The following COL19A1 variants were observed in gnomAD, a reference collection of about 807,000 sequenced individuals.
The protein encoded by COL19A1 is collagen type XIX alpha 1 chain, also known as collagen alpha-1(XIX) chain.
Under a neutral mutation model 190.2 loss-of-function variants are expected in COL19A1, and 159 were observed. That is an observed-to-expected ratio of 0.84 (90% CI 0.73 to 0.95). The LOEUF (loss-of-function observed/expected upper bound fraction) is 0.95, where lower values mean the gene tolerates loss of function less well. Ranked by LOEUF, COL19A1 falls within the 40% of genes least tolerant of loss-of-function variation. The pLI, the probability that COL19A1 is intolerant of heterozygous loss-of-function variation, is 0.00. For synonymous variants in COL19A1, 509 were observed against 458.9 expected (o/e 1.11, Z -1.39); for missense variants, 1,418 against 1,431.9 (o/e 0.99, Z 0.16).
intron 15 of COL19A1, among the ~76,000 whole-genome samples, chr6:70,077,847 T>A (rs908554776): frequency 6.6e-6 from 1 of 152,316 alleles, no homozygotes. Flanking sequence ...TATTCATTAA[T>A]AATGCCACTT....
At chr6:69,954,494 G>T (rs1475964961) in intron 9 of COL19A1, among the ~76,000 whole-genome samples, 2 of 152,070 alleles carry the variant, frequency 1.3e-5, no homozygotes, top group African/African-American at 2.4e-5. Context: ...CCCAATGCCA[G>T]CAACACTTCA....
At chr6:69,900,790 A>T (rs1770138511) in intron 4 of COL19A1, among the ~76,000 whole-genome samples, 1 of 152,186 alleles carries the variant, frequency 6.6e-6, no homozygotes, top group South Asian at 2.1e-4. Context: ...TATTGTATAG[A>T]GTACATAGTA....
At chr6:70,172,102 G>C (rs926811424) in intron 41 of COL19A1, 85 bp downstream of exon 41, 1 of 1,238,236 alleles carries the variant, frequency 8.1e-7, no homozygotes, top group African/African-American at 1.5e-5. Flanking sequence ...AACTGTTTTA[G>C]GTTAGGGATA....
At chr6:69,921,330 A>G (rs1412953563) in intron 4 of COL19A1, among the ~76,000 whole-genome samples, 1 of 131,144 alleles carries the variant, frequency 7.6e-6, no homozygotes, top group African/African-American at 2.8e-5. Context: ...ATCATATATC[A>G]TATATCTATA....
At chr6:69,975,038 C>T (rs977254742) in intron 11 of COL19A1, among the ~76,000 whole-genome samples, 2 of 152,100 alleles carry the variant, frequency 1.3e-5, no homozygotes, top group African/African-American at 4.8e-5. Flanking sequence ...TGGTGCTGAG[C>T]TCCTGACCTC....
In COL19A1 at chr6:69,995,341, A is replaced by T. The variant is rs555714730; in HGVS notation, c.1027-28286A>T. 7.9e-5 allele frequency among the ~76,000 whole-genome samples: 12 copies of T among 152,328 alleles called. No homozygotes were observed. In the South Asian group the frequency reaches 1.7e-3, roughly 21 times the overall value. Reference sequence around the variant, plus strand: ...GAGAGTATATTAGCCAATGTGAGTGATCACTATCTAATAGTATATTTTCCA... The same window carrying T: ...GAGAGTATATTAGCCAATGTGAGTGTTCACTATCTAATAGTATATTTTCCA... On this transcript the variant is annotated intron_variant, in intron 11 of 50. Transcript: ENST00000620364.
chr6:69,900,305 A>C lies in COL19A1; in HGVS notation c.233A>C (p.Lys78Thr). 1 of 1,592,364 alleles carries C rather than the reference A, an allele frequency of 6.3e-7. No individual in the cohort carries two copies. Among genetic ancestry groups the C allele is most frequent in the Non-Finnish European group, 8.6e-7 (1 of 1,168,828 alleles). ...TGTGAAAGTGATAAAACCTGTTTCA[A>C]ATTGGGAAGTGCACTTCTTATTAGA... Reference protein sequence around the residue: ...AFCESDKTCFKLGSALLIRDT... With the variant: ...AFCESDKTCFTLGSALLIRDT... The change falls in exon 4 of 51, where the codon AAA (lysine) becomes ACA (threonine). Residue 78 changes from lysine to threonine, a missense_variant. Physicochemically the swap from Lys to Thr is moderately conservative, Grantham distance 78. Transcript: ENST00000620364.
At chr6:69,954,773 C>T (rs1774316140) in intron 9 of COL19A1, among the ~76,000 whole-genome samples, 2 of 151,968 alleles carry the variant, frequency 1.3e-5, no homozygotes, top group Non-Finnish European at 2.9e-5. Flanking sequence ...AGGGTGTGTT[C>T]CTTCTCCATA....
chr6:69,875,564 T>A (rs1768083582), intron 1 of COL19A1, among the ~76,000 whole-genome samples: 1 of 152,130 alleles, frequency 6.6e-6, no homozygotes, highest in South Asian at 2.1e-4. Flanking sequence ...GGATGTGAGA[T>A]GTGTTTGGGG....
chr6:69,912,556 C>T (rs1189330928), intron 4 of COL19A1, among the ~76,000 whole-genome samples: 1 of 152,166 alleles, frequency 6.6e-6, no homozygotes, highest in Middle Eastern at 3.2e-3. Flanking sequence ...CTGTGAGACC[C>T]AACCAACCTC....
At chr6:70,086,794 ACTC>A (rs72420119) in intron 15 of COL19A1, among the ~76,000 whole-genome samples, 8,390 of 152,168 alleles carry the variant, frequency 0.055, 282 homozygotes, top group South Asian at 0.11. Context: ...ATTAGTACAA[ACTC>A]CTCATTTGTC....
Position 69,929,620 on chromosome 6 carries a change from C to G in COL19A1, c.586C>G (p.Gln196Glu), listed in dbSNP as rs756800886. The change falls in exon 6 of 51, where the codon CAG becomes GAG. Residue 196 changes from glutamine to glutamate, a missense_variant. By Grantham distance (29) the Gln-to-Glu change is conservative. Coordinates refer to ENST00000620364, the MANE Select transcript of COL19A1 (RefSeq NM_001858.6). ...YMDCNLIARR[Q>E]TDEKDTVDFH... ...GGATTGTAATTTAATTGCGAGGAGG[C>G]AGACTGATGAAAAGGACACTGTGGA... 5.0e-6 allele frequency: 8 copies of G among 1,613,914 alleles called. No homozygotes were observed. The East Asian group carries it at 1.8e-4, about 36-fold the overall frequency.
At chr6:70,047,864 A>G (rs1779993005) in intron 14 of COL19A1, among the ~76,000 whole-genome samples, 1 of 152,120 alleles carries the variant, frequency 6.6e-6, no homozygotes, top group African/African-American at 2.4e-5. Context: ...TTTCTCTTCC[A>G]GTCTTTGCAT....
chr6:70,120,855 C>A (rs1255201830), intron 16 of COL19A1, among the ~76,000 whole-genome samples: 4 of 152,190 alleles, frequency 2.6e-5, no homozygotes, highest in Non-Finnish European at 5.9e-5. Flanking sequence ...CAACATTAAT[C>A]TTTTCTGTAT....
At chr6:69,903,057 T>A (rs2149976933) in intron 4 of COL19A1, among the ~76,000 whole-genome samples, 1 of 152,338 alleles carries the variant, frequency 6.6e-6, no homozygotes, top group Middle Eastern at 3.4e-3. Flanking sequence ...TTCTATAACT[T>A]TCAGGTAATG....
intron 1 of COL19A1, among the ~76,000 whole-genome samples, chr6:69,876,095 G>T (rs1425911882): frequency 6.6e-6 from 1 of 152,148 alleles, no homozygotes; most frequent in Non-Finnish European, 1.5e-5. Context: ...ACCAAGAATT[G>T]AAGAAGGGAA....
intron 46 of COL19A1, among the ~76,000 whole-genome samples, chr6:70,185,872 G>A (rs1766481838): frequency 6.6e-6 from 1 of 152,062 alleles, no homozygotes; most frequent in South Asian, 2.1e-4. Flanking sequence ...TGAAGGAAAT[G>A]TGAAAATACA....
intron 2 of COL19A1, among the ~76,000 whole-genome samples, chr6:69,886,019 A>G (rs1385435610): frequency 6.6e-6 from 1 of 152,238 alleles, no homozygotes. Flanking sequence ...TACACAGTGA[A>G]GGAAGCAATC....
intron 14 of COL19A1, 52 bp from the exon 15 acceptor site, chr6:70,068,371 A>G: frequency 9.3e-7 from 1 of 1,070,550 alleles, no homozygotes; most frequent in Non-Finnish European, 1.5e-6. Flanking sequence ...ATTCTTTGTG[A>G]GGCAGGTGTA....
Sources: allele counts gnomAD v4.1 joint callset (sites outside exome capture counted in the v4.1 genomes callset), GRCh38; gene constraint gnomAD v4.1.1; transcripts MANE v1.5; gene names NCBI Gene and HGNC (gene_info 2026-07-23, HGNC 2026-07-21).